Variants in PDE4B observed in about 807,000 individuals in gnomAD.
PDE4B encodes phosphodiesterase 4B.
Under a neutral mutation model 82.2 loss-of-function variants are expected in PDE4B, and 20 were observed. The observed-to-expected ratio is 0.24, with a 90% CI of 0.17 to 0.35. The LOEUF (loss-of-function observed/expected upper bound fraction) is 0.35. Ranked by LOEUF, PDE4B falls within the 10% of genes least tolerant of loss-of-function variation. The pLI, the probability that PDE4B is intolerant of heterozygous loss-of-function variation, is 1.00. For missense variants in PDE4B, 655 were observed against 907.2 expected, an observed-to-expected ratio of 0.72 and a Z score of 3.57; for synonymous variants, 320 against 318.9, an observed-to-expected ratio of 1.00 and a Z score of -0.04.
chr1:66,254,751 C>T (rs903720299), intron 4 of PDE4B, among the ~76,000 whole-genome samples: 1 of 152,178 alleles, frequency 6.6e-6, no homozygotes, highest in African/African-American at 2.4e-5. Flanking sequence ...TTCTTTATGA[C>T]CCCTTATCCA....
intron 1 of PDE4B, among the ~76,000 whole-genome samples, chr1:65,887,412 C>CTTTTTTTTTTTTTTT (rs1285765740): frequency 8.7e-4 from 6 of 6,922 alleles, no homozygotes; most frequent in African/African-American, 1.7e-3. Flanking sequence ...TCTTTTTCTT[C>CTTTTTTTTTTTTTTT]TGTTTTTTTT....
chr1:66,017,188 G>T (rs1383983500), intron 3 of PDE4B, among the ~76,000 whole-genome samples: 1 of 152,128 alleles, frequency 6.6e-6, no homozygotes, highest in Non-Finnish European at 1.5e-5. Flanking sequence ...TGAGAGCAGA[G>T]AATTTATTGT....
At chr1:66,038,183 A>G (rs1203665529) in intron 3 of PDE4B, among the ~76,000 whole-genome samples, 2 of 152,122 alleles carry the variant, frequency 1.3e-5, no homozygotes, top group African/African-American at 4.8e-5. Flanking sequence ...TCAATTATAT[A>G]TTTTACAAAT....
chr1:66,171,543 G>A (rs758760263), intron 3 of PDE4B, among the ~76,000 whole-genome samples: 1 of 152,062 alleles, frequency 6.6e-6, no homozygotes, highest in African/African-American at 2.4e-5. Context: ...AACTCTTTTT[G>A]GAGGTGAAGT....
intron 1 of PDE4B, among the ~76,000 whole-genome samples, chr1:65,905,062 C>T (rs1647014249): frequency 6.6e-6 from 1 of 152,144 alleles, no homozygotes; most frequent in Admixed American, 6.6e-5. Flanking sequence ...CCTATCTAGT[C>T]TACTCATTCA....
At chr1:66,157,261 C>T (rs1450206571) in intron 3 of PDE4B, among the ~76,000 whole-genome samples, 2 of 152,156 alleles carry the variant, frequency 1.3e-5, no homozygotes, top group Non-Finnish European at 2.9e-5. Flanking sequence ...TTATTACTAC[C>T]TACACCTCTG....
At chr1:66,075,385 T>C (rs1448300412) in intron 3 of PDE4B, among the ~76,000 whole-genome samples, 2 of 150,524 alleles carry the variant, frequency 1.3e-5, no homozygotes, top group Non-Finnish European at 1.5e-5. Flanking sequence ...GGTCATATGG[T>C]AATTCTTTGT....
At chr1:65,997,163 C>A (rs1056284777) in intron 3 of PDE4B, among the ~76,000 whole-genome samples, 1 of 133,030 alleles carries the variant, frequency 7.5e-6, no homozygotes, top group Non-Finnish European at 1.6e-5. Context: ...CCCCGCCCCC[C>A]ACCCTGCTGC....
At chr1:65,982,375 C>T (rs1327344981) in intron 3 of PDE4B, among the ~76,000 whole-genome samples, 2 of 152,158 alleles carry the variant, frequency 1.3e-5, no homozygotes, top group Non-Finnish European at 1.5e-5. Flanking sequence ...AAGGGACAGA[C>T]TACATTGAAG....
chr1:65,920,672 A>T (rs1323251165), intron 3 of PDE4B, among the ~76,000 whole-genome samples: 1 of 152,236 alleles, frequency 6.6e-6, no homozygotes, highest in African/African-American at 2.4e-5. Flanking sequence ...GTAGGTAATC[A>T]GCAAATGTTG....
intron 7 of PDE4B, among the ~76,000 whole-genome samples, chr1:66,331,134 C>G (rs575121963): frequency 6.6e-6 from 1 of 152,174 alleles, no homozygotes; most frequent in Admixed American, 6.5e-5. Context: ...ATTTGCACAC[C>G]ACAGACATAA....
intron 7 of PDE4B, among the ~76,000 whole-genome samples, chr1:66,309,322 A>G (rs887935587): frequency 9.8e-5 from 15 of 152,338 alleles, no homozygotes; most frequent in African/African-American, 3.4e-4. Flanking sequence ...CATGATTAAT[A>G]TTGCAAATGG....
chr1:66,211,652 C>T (rs1183728396), intron 3 of PDE4B, among the ~76,000 whole-genome samples: 1 of 152,202 alleles, frequency 6.6e-6, no homozygotes, highest in Non-Finnish European at 1.5e-5. Context: ...TTAATTAGCC[C>T]TGGTTTATAA....
At chr1:66,074,820 CT>C (rs1472946771) in intron 3 of PDE4B, among the ~76,000 whole-genome samples, 2 of 151,956 alleles carry the variant, frequency 1.3e-5, no homozygotes, top group African/African-American at 4.8e-5. Context: ...TACTTCATTC[CT>C]TTTTATGGCT....
intron 1 of PDE4B, among the ~76,000 whole-genome samples, chr1:65,837,091 G>GTT (rs879623685): frequency 1.3e-3 from 181 of 143,024 alleles, no homozygotes; most frequent in African/African-American, 4.4e-3. Context: ...GCCAGCACCA[G>GTT]TTTTTTTTTT....
intron 3 of PDE4B, among the ~76,000 whole-genome samples, chr1:66,144,072 T>C (rs950297517): frequency 3.3e-5 from 5 of 152,206 alleles, no homozygotes; most frequent in African/African-American, 1.2e-4. Context: ...AGTTGGCCTG[T>C]GGGGAAAAGT....
intron 7 of PDE4B, among the ~76,000 whole-genome samples, chr1:66,317,531 T>TGGTC (rs1659110263): frequency 2.0e-5 from 3 of 152,178 alleles, no homozygotes; most frequent in Admixed American, 6.5e-5. Flanking sequence ...TTGGGATGAA[T>TGGTC]GGTCAGTCCC....
At chr1:66,203,542 G>C (rs6685146) in intron 3 of PDE4B, among the ~76,000 whole-genome samples, 249 of 151,996 alleles carry the variant, frequency 1.6e-3, no homozygotes, top group Non-Finnish European at 2.9e-3. Flanking sequence ...GACTTTGTTC[G>C]TTTCTTTTTA....
At chr1:66,339,855 T>G (rs1258620640) in intron 8 of PDE4B, among the ~76,000 whole-genome samples, 13 of 151,980 alleles carry the variant, frequency 8.6e-5, no homozygotes, top group South Asian at 8.3e-4. Flanking sequence ...TTGTTGTTTT[T>G]TTTTTTTTAG....
Sources: allele counts gnomAD v4.1 joint callset (sites outside exome capture counted in the v4.1 genomes callset), GRCh38; gene constraint gnomAD v4.1.1; transcripts MANE v1.5; gene names NCBI Gene and HGNC (gene_info 2026-07-23, HGNC 2026-07-21).